Variants in TRAF3IP1 observed in about 807,000 individuals in gnomAD.
TRAF3IP1 encodes the protein TRAF3-interacting protein 1.
Under a neutral mutation model 89.9 loss-of-function variants are expected in TRAF3IP1, and 53 were observed. The ratio of observed to expected loss-of-function variants is 0.59; its 90% confidence interval spans 0.47 to 0.74. The LOEUF is 0.74. Ranked by LOEUF, TRAF3IP1 falls within the 30% of genes least tolerant of loss-of-function variation. TRAF3IP1 has a pLI of 0.00. For synonymous variants in TRAF3IP1, 311 were observed against 322.1 expected (o/e 0.97, Z 0.37); for missense variants, 806 against 866.1 (o/e 0.93, Z 0.87).
At chr2:238,329,931 T>C (rs1200275090) in intron 5 of TRAF3IP1, among the ~76,000 whole-genome samples, 1 of 152,180 alleles carries the variant, frequency 6.6e-6, no homozygotes, top group Non-Finnish European at 1.5e-5. Flanking sequence ...GCTTGCTCTT[T>C]TTAGGGTTTA....
intron 15 of TRAF3IP1, among the ~76,000 whole-genome samples, chr2:238,369,216 T>C (rs560041189): frequency 6.6e-6 from 1 of 150,486 alleles, no homozygotes; most frequent in South Asian, 2.1e-4. Context: ...ACCAAGCAAT[T>C]AAAGTAAATA....
chr2:238,396,603 T>G (rs1701235240), intron 15 of TRAF3IP1, among the ~76,000 whole-genome samples: 1 of 152,080 alleles, frequency 6.6e-6, no homozygotes, highest in African/African-American at 2.4e-5. Context: ...GCTTATTGAT[T>G]CTTATCAACT....
chr2:238,395,732 A>G (rs1278977445), intron 15 of TRAF3IP1, among the ~76,000 whole-genome samples: 1 of 152,250 alleles, frequency 6.6e-6, no homozygotes, highest in African/African-American at 2.4e-5. Flanking sequence ...ATGAACACAC[A>G]CTTCTCAAAA....
At position 238,348,824 on chromosome 2, in the gene TRAF3IP1, C is replaced by G. The variant is rs773044849; in HGVS notation, c.1343C>G (p.Pro448Arg). The change falls in exon 11 of 17, where the codon CCT becomes CGT. Residue 448 changes from proline (P) to arginine (R), a missense_variant. Around this residue, in one of 3 missense-constraint regions of TRAF3IP1, gnomAD observed 732 missense variants for 780.5 expected, o/e 0.94. Transcript: ENST00000373327. ...GAGGTGCCAGAGACTCCAGAAATTC[C>G]TAATGAGCTTTCATCCAACATCAGG... Reference protein sequence around the residue: ...KSEVPETPEIPNELSSNIRRI... With the variant: ...KSEVPETPEIRNELSSNIRRI... 2 of 1,613,992 alleles carry G rather than the reference C, an allele frequency of 1.2e-6. No homozygotes were observed. Among genetic ancestry groups the G allele is most frequent in the South Asian group, 2.2e-5 (2 of 91,084 alleles).
chr2:238,351,864 T>C lies in TRAF3IP1; in HGVS notation c.1452-963T>C, dbSNP rs76703486. On this transcript the variant is annotated intron_variant, in intron 12 of 16. Coordinates refer to ENST00000373327, the MANE Select transcript of TRAF3IP1 (RefSeq NM_015650.4). This position sits in a 1 kb window ranked among gnomAD's most constrained non-coding sequence, Gnocchi z 5.2. The stretch of plus-strand genomic sequence containing the variant: ...GTGTGTGTGTGTGTGTGTGTGTGTG[T>C]GTGCGCGCGCGCGCGTGTGCGTGCA... 0.36 allele frequency among the ~76,000 whole-genome samples: 39,737 copies of C among 110,914 alleles called. 5,874 individuals are homozygous for C. The highest frequency in any genetic ancestry group is 0.48 in the Middle Eastern group (115 of 242). The allele number at this position is 110,914 out of a possible 152,430, so 72.8% of individuals were successfully genotyped here.
At chr2:238,356,226 G>C in intron 15 of TRAF3IP1, 146 bp downstream of exon 15, 2 of 751,342 alleles carry the variant, frequency 2.7e-6, no homozygotes, top group Non-Finnish European at 4.4e-6. Flanking sequence ...GCCAGGCATG[G>C]TGGCTCACGC....
chr2:238,346,914 C>T (rs1377378447), intron 9 of TRAF3IP1, among the ~76,000 whole-genome samples: 1 of 152,236 alleles, frequency 6.6e-6, no homozygotes, highest in African/African-American at 2.4e-5. Flanking sequence ...CTCAAGACAA[C>T]ACTTGAAGAA....
chr2:238,361,911 CT>C (rs1011671220), intron 15 of TRAF3IP1, among the ~76,000 whole-genome samples: 1 of 152,226 alleles, frequency 6.6e-6, no homozygotes, highest in Admixed American at 6.5e-5. Flanking sequence ...AATCGCTTAT[CT>C]TTTGCTGTCT....
At chr2:238,365,032 A>C (rs981067129) in intron 15 of TRAF3IP1, among the ~76,000 whole-genome samples, 5 of 152,220 alleles carry the variant, frequency 3.3e-5, no homozygotes, top group Non-Finnish European at 7.3e-5. Flanking sequence ...TGATGGATAC[A>C]ATGACCTTAT....
chr2:238,332,842 A>T lies in TRAF3IP1; in HGVS notation c.934A>T (p.Met312Leu), dbSNP rs1274735801. 1 of 1,611,434 alleles carries T rather than the reference A, an allele frequency of 6.2e-7. No homozygotes were observed. Among genetic ancestry groups the T allele is most frequent in the East Asian group, 2.2e-5 (1 of 44,862 alleles). ...TTAATAGTCAGCAAGCTCAGGGGAGATGTCTAAAAAGTTATCAGATGGAAC... is the reference window on the plus strand; with the variant it reads ...TTAATAGTCAGCAAGCTCAGGGGAGTTGTCTAAAAAGTTATCAGATGGAAC... ...PEKKSASSGEMSKKLSDGTFK... is the reference protein window; with the variant it reads ...PEKKSASSGELSKKLSDGTFK... Residue 312 changes from methionine (M) to leucine (L), a missense_variant, in exon 6 of 17, where the codon ATG (methionine) becomes TTG (leucine). Met to Leu is a conservative substitution (Grantham distance 15). Around this residue, in one of 3 missense-constraint regions of TRAF3IP1, gnomAD observed 732 missense variants for 780.5 expected, o/e 0.94. Transcript: ENST00000373327.
At chr2:238,323,330 C>T (rs1461062401) in intron 1 of TRAF3IP1, among the ~76,000 whole-genome samples, 2 of 152,164 alleles carry the variant, frequency 1.3e-5, no homozygotes, top group African/African-American at 2.4e-5. Flanking sequence ...CCGCCTGCCT[C>T]GGCCTCCCAA....
chr2:238,378,804 C>G (rs575136376), intron 15 of TRAF3IP1, among the ~76,000 whole-genome samples: 2 of 152,220 alleles, frequency 1.3e-5, no homozygotes, highest in East Asian at 1.9e-4. Context: ...GACCCCCCCC[C>G]AGGCCCCAGG....
chr2:238,344,082 C>G (rs892522516), intron 8 of TRAF3IP1, among the ~76,000 whole-genome samples: 3 of 152,192 alleles, frequency 2.0e-5, no homozygotes, highest in Admixed American at 6.5e-5. Flanking sequence ...ATGGCCAGGA[C>G]TGTGCACTGT....
chr2:238,384,341 T>G (rs59443245), intron 15 of TRAF3IP1, among the ~76,000 whole-genome samples: 1,612 of 114,842 alleles, frequency 0.014, 15 homozygotes, highest in Non-Finnish European at 0.022. Flanking sequence ...CAACCTGATG[T>G]ATGTATGTAT....
chr2:238,326,660 C>T (rs1697849866), intron 3 of TRAF3IP1, among the ~76,000 whole-genome samples: 1 of 152,032 alleles, frequency 6.6e-6, no homozygotes, highest in African/African-American at 2.4e-5. Flanking sequence ...CGAGTAGTGC[C>T]CTGTGGAGGA....
At chr2:238,337,355 GGA>G (rs1310787236) in intron 7 of TRAF3IP1, among the ~76,000 whole-genome samples, 1 of 152,168 alleles carries the variant, frequency 6.6e-6, no homozygotes, top group Non-Finnish European at 1.5e-5. Flanking sequence ...TGAGGTGGGT[GGA>G]GAGAGGAACA....
chr2:238,326,517 T>C (rs1370856908), intron 3 of TRAF3IP1, among the ~76,000 whole-genome samples: 1 of 151,758 alleles, frequency 6.6e-6, no homozygotes, highest in South Asian at 2.1e-4. Flanking sequence ...ATTTTTTCTT[T>C]CTTGAGCTTT....
rs1701424060 is a variant in TRAF3IP1, at chr2:238,400,656, T to C, written c.*1737T>C. 1 of 152,308 alleles carries C rather than the reference T, an allele frequency of 6.6e-6. No individual in the cohort carries two copies. Among genetic ancestry groups the C allele is most frequent in the African/African-American group, 2.4e-5 (1 of 41,560 alleles). The allele number at this position is 152,308 out of a possible 1,614,324, so 9.4% of individuals were successfully genotyped here. On this transcript the variant is annotated 3_prime_UTR_variant, in exon 17 of 17. Transcript: ENST00000373327. ...TGAGTTAAGTAGCCCTTCATGTATT[T>C]ATAATCTCTTTTCTACTGAATCAAA...
intron 7 of TRAF3IP1, among the ~76,000 whole-genome samples, chr2:238,334,505 G>A (rs1698291630): frequency 2.6e-5 from 4 of 151,898 alleles, no homozygotes; most frequent in Non-Finnish European, 5.9e-5. Flanking sequence ...GTCCGCTGAA[G>A]GATAGTACCT....
Sources: gnomAD v4.1 joint callset for allele counts (sites outside exome capture counted in the v4.1 genomes callset) on GRCh38, gnomAD v4.1.1 for gene constraint, gnomAD v4.1.1 regional missense constraint, Gnocchi (gnomAD v3.1) non-coding constraint, MANE v1.5 for transcripts, NCBI Gene and HGNC (gene_info 2026-07-23, HGNC 2026-07-21) for gene names.